Variants in ZHX2 observed in about 807,000 individuals in gnomAD.
The protein encoded by ZHX2 is zinc fingers and homeoboxes protein 2.
A neutral mutation model predicts 21.9 loss-of-function variants in ZHX2; 6 were observed. That is an observed-to-expected ratio of 0.27 (90% CI 0.15 to 0.54). ZHX2 has a LOEUF of 0.54. Ranked by LOEUF, ZHX2 falls within the 20% of genes least tolerant of loss-of-function variation. ZHX2 has a pLI of 0.95. For missense variants in ZHX2, 908 were observed against 1,090.7 expected (o/e 0.83, Z 2.36); for synonymous variants, 434 against 437.1 (o/e 0.99, Z 0.09).
chr8:122,785,412 T>C (rs947982981), intron 1 of ZHX2, among the ~76,000 whole-genome samples: 3 of 152,206 alleles, frequency 2.0e-5, no homozygotes, highest in African/African-American at 7.2e-5. Flanking sequence ...CTTAGGTTTA[T>C]CATCTCATGG....
intron 1 of ZHX2, among the ~76,000 whole-genome samples, chr8:122,829,369 T>C (rs545082570): frequency 6.6e-6 from 1 of 152,372 alleles, no homozygotes; most frequent in African/African-American, 2.4e-5. Context: ...CTTGTTAACT[T>C]TTACTGTCAC....
At chr8:122,863,773 T>C (rs781620698) in intron 2 of ZHX2, among the ~76,000 whole-genome samples, 4 of 152,080 alleles carry the variant, frequency 2.6e-5, no homozygotes, top group Non-Finnish European at 5.9e-5. Flanking sequence ...AGCTGGACTG[T>C]CCTCCCTCTG....
intron 3 of ZHX2, among the ~76,000 whole-genome samples, chr8:122,954,252 A>G (rs947010302): frequency 6.6e-6 from 1 of 152,156 alleles, no homozygotes; most frequent in African/African-American, 2.4e-5. Context: ...TCCCGTATGC[A>G]TTACCTCACA....
At chr8:122,824,703 T>G (rs1265756189) in intron 1 of ZHX2, among the ~76,000 whole-genome samples, 1 of 152,204 alleles carries the variant, frequency 6.6e-6, no homozygotes, top group Non-Finnish European at 1.5e-5. Flanking sequence ...TGTATTAGTT[T>G]TCTATGGCTG....
intron 2 of ZHX2, among the ~76,000 whole-genome samples, chr8:122,889,909 CT>C (rs1367371839): frequency 6.6e-6 from 1 of 152,130 alleles, no homozygotes; most frequent in Non-Finnish European, 1.5e-5. Context: ...TCCTCCCATT[CT>C]GAAGGCTGTT....
intron 2 of ZHX2, among the ~76,000 whole-genome samples, chr8:122,934,615 C>T (rs1200617163): frequency 7.2e-6 from 1 of 139,610 alleles, no homozygotes; most frequent in East Asian, 1.9e-4. Flanking sequence ...TCCTTCCTTC[C>T]TTCCTTCTTT....
intron 1 of ZHX2, among the ~76,000 whole-genome samples, chr8:122,794,508 G>A (rs1817583376): frequency 6.6e-6 from 1 of 152,170 alleles, no homozygotes; most frequent in Non-Finnish European, 1.5e-5. Flanking sequence ...AAGGGGTCAA[G>A]GGTAGAATAG....
At chr8:122,854,237 C>G (rs767864848) in intron 1 of ZHX2, among the ~76,000 whole-genome samples, 3 of 152,176 alleles carry the variant, frequency 2.0e-5, no homozygotes, top group Non-Finnish European at 4.4e-5. Context: ...ACCCTGAGTC[C>G]TCACCCCACA....
rs397795298 is a variant in ZHX2, at chr8:122,935,536, CTT to C, written c.-219-15740_-219-15739del. Among the ~76,000 whole-genome samples the C allele has an allele frequency of 3.1e-3, 414 of 133,876 alleles. 1 individual carries two copies. Among genetic ancestry groups the C allele is most frequent in the African/African-American group, 0.011 (387 of 35,768 alleles). 87.8% of individuals were successfully genotyped at this position (133,876 alleles called of 152,430 possible). A position where few individuals can be genotyped will look rare whatever the true frequency, so the allele number is the denominator to read the frequency against. ...TCCCTGATTATACCATTGAGAGTAA[CTT>C]TTTTTTTTTTTTTTTGAGACGGAGT... On this transcript the variant is annotated intron_variant, in intron 2 of 3. Transcript: ENST00000314393.
chr8:122,928,694 T>A (rs1015075164), intron 2 of ZHX2, among the ~76,000 whole-genome samples: 11 of 152,162 alleles, frequency 7.2e-5, no homozygotes, highest in Admixed American at 6.5e-5. Flanking sequence ...CCATCTGGAA[T>A]GTTACGAACA....
chr8:122,932,138 G>GA (rs1821009632), intron 2 of ZHX2, among the ~76,000 whole-genome samples: 1 of 152,180 alleles, frequency 6.6e-6, no homozygotes, highest in Non-Finnish European at 1.5e-5. Flanking sequence ...CCATTCCCAA[G>GA]AAAGAGCAGC....
chr8:122,939,696 G>A (rs1812794070), intron 2 of ZHX2, among the ~76,000 whole-genome samples: 2 of 152,266 alleles, frequency 1.3e-5, no homozygotes, highest in Middle Eastern at 6.8e-3. Context: ...AGGCGAAGTT[G>A]GGAAATTCAT....
chr8:122,878,332 A>G lies in ZHX2; in HGVS notation c.-220+14793A>G, dbSNP rs545908299. ...AAACACTTATTTAGCATGAAAGTCT[A>G]CAGGGTTCAGTTGATCTCAGTTTGG... On this transcript the variant is annotated intron_variant, in intron 2 of 3. Coordinates refer to ENST00000314393, the MANE Select transcript of ZHX2 (RefSeq NM_014943.5). Among the ~76,000 whole-genome samples the G allele has an allele frequency of 3.9e-5, 6 of 152,338 alleles. No homozygotes were observed. The East Asian group carries it at 1.2e-3, about 29-fold the overall frequency.
intron 2 of ZHX2, among the ~76,000 whole-genome samples, chr8:122,906,929 C>T (rs1394800602): frequency 1.3e-5 from 2 of 152,058 alleles, no homozygotes; most frequent in African/African-American, 4.8e-5. Context: ...CCTCAGCCTC[C>T]CAAAGTGCTG....
At chr8:122,962,829 TA>T in intron 3 of ZHX2, among the ~76,000 whole-genome samples, 1 of 152,302 alleles carries the variant, frequency 6.6e-6, no homozygotes, top group East Asian at 1.9e-4. Flanking sequence ...TTGCAGGAGT[TA>T]GGTAGTATTG....
chr8:122,904,690 C>T (rs2129961930), intron 2 of ZHX2, among the ~76,000 whole-genome samples: 1 of 152,270 alleles, frequency 6.6e-6, no homozygotes, highest in South Asian at 2.1e-4. Flanking sequence ...CATGTTGGAG[C>T]AGTGTCAGAG....
chr8:122,968,859 AAG>A (rs1813649962), intron 3 of ZHX2, among the ~76,000 whole-genome samples: 2 of 151,386 alleles, frequency 1.3e-5, no homozygotes, highest in South Asian at 4.2e-4. Context: ...AAAAAAGAAA[AAG>A]AAATATTATG....
Position 122,952,659 on chromosome 8 carries a change from C to T in ZHX2, c.1149C>T (p.Ser383=), listed in dbSNP as rs775988224. ...QTSLVLTQVT[S]GSTTVSCSPI... ...GCCTGGTGCTGACTCAGGTGACCAG[C>T]GGGTCAACAACCGTCTCTTGCTCCC... The change falls in exon 3 of 4, where the codon AGC becomes AGT. Residue 383 remains serine (S), a synonymous_variant. Transcript: ENST00000314393. This position sits in a 1 kb window ranked among gnomAD's most constrained non-coding sequence, Gnocchi z 6.9. The T allele has an allele frequency of 1.7e-4, 272 of 1,614,038 alleles. No individual in the cohort carries two copies. Among genetic ancestry groups the T allele is most frequent in the Middle Eastern group, 8.2e-4 (5 of 6,084 alleles).
intron 1 of ZHX2, among the ~76,000 whole-genome samples, chr8:122,830,099 C>G (rs917942689): frequency 1.3e-5 from 2 of 152,190 alleles, no homozygotes; most frequent in African/African-American, 2.4e-5. Context: ...TGCCGACAGA[C>G]AACAGGAGGC....
Sources: gnomAD v4.1 joint callset for allele counts (sites outside exome capture counted in the v4.1 genomes callset) on GRCh38, gnomAD v4.1.1 for gene constraint, Gnocchi (gnomAD v3.1) non-coding constraint, MANE v1.5 for transcripts, NCBI Gene and HGNC (gene_info 2026-07-23, HGNC 2026-07-21) for gene names.